FGD5: variants seen among roughly 807,000 people sequenced by gnomAD.
FGD5 encodes the protein FYVE, RhoGEF and PH domain containing 5, also known as FYVE, RhoGEF and PH domain-containing protein 5.
In FGD5, 28 loss-of-function variants were observed where a neutral mutation model predicts 133.4. The observed-to-expected ratio is 0.21, with a 90% confidence interval of 0.16 to 0.29. The LOEUF is 0.29. Ranked by LOEUF, FGD5 falls within the 10% of genes least tolerant of loss-of-function variation. The pLI, the probability that FGD5 is intolerant of heterozygous loss-of-function variation, is 1.00. For synonymous variants in FGD5, 810 were observed against 776.5 expected (o/e 1.04, Z -0.72); for missense variants, 1,858 against 1,895.2 (o/e 0.98, Z 0.36).
intron 4 of FGD5, among the ~76,000 whole-genome samples, chr3:14,890,515 G>A (rs1297253234): frequency 6.6e-6 from 1 of 152,144 alleles, no homozygotes; most frequent in African/African-American, 2.4e-5. Flanking sequence ...TGGCTGCCAG[G>A]ACCCCCAGGT....
intron 1 of FGD5, among the ~76,000 whole-genome samples, chr3:14,856,270 C>T (rs2037275565): frequency 6.6e-6 from 1 of 152,126 alleles, no homozygotes; most frequent in African/African-American, 2.4e-5. Flanking sequence ...TTTTTGGTTA[C>T]TATAGCTTTG....
chr3:14,861,488 C>T (rs925482324), intron 1 of FGD5, among the ~76,000 whole-genome samples: 2 of 152,208 alleles, frequency 1.3e-5, no homozygotes, highest in Admixed American at 6.5e-5. Context: ...ACTGCAGTGA[C>T]AGGCCCAACT....
intron 11 of FGD5, among the ~76,000 whole-genome samples, chr3:14,912,441 TGA>T (rs2038467089): frequency 6.6e-6 from 1 of 152,162 alleles, no homozygotes; most frequent in South Asian, 2.1e-4. Flanking sequence ...GGGGGGATTT[TGA>T]GAGAGATCTG....
intron 4 of FGD5, among the ~76,000 whole-genome samples, chr3:14,881,611 T>C (rs992179841): frequency 6.6e-6 from 1 of 152,206 alleles, no homozygotes; most frequent in African/African-American, 2.4e-5. Flanking sequence ...GGCTTCCTGC[T>C]CCCTTGAGCT....
rs760161782 is a variant in FGD5, at chr3:14,820,488, G to A, written c.1417G>A (p.Ala473Thr). The change falls in exon 1 of 20, where the codon GCG becomes ACG. Residue 473 changes from alanine to threonine, a missense_variant. Physicochemically the swap from Ala to Thr is moderately conservative, Grantham distance 58 (BLOSUM62 0). This residue lies in a region of FGD5 where 1,824 missense variants were observed against 1,848.9 expected (regional missense o/e 0.99). Transcript: ENST00000285046. ...NCEAEGGLVP[A>T]DRKNTSTRVR... ...TGAGGCAGAGGGTGGCCTGGTTCCC[G>A]CGGACAGGAAGAACACCAGCACGAG... 100 of 1,613,822 alleles carry A rather than the reference G, an allele frequency of 6.2e-5. No individual in the cohort carries two copies. The South Asian group carries it at 1.0e-3, about 16-fold the overall frequency.
intron 4 of FGD5, among the ~76,000 whole-genome samples, chr3:14,888,192 C>T (rs2037960269): frequency 6.6e-6 from 1 of 151,124 alleles, no homozygotes; most frequent in Non-Finnish European, 1.5e-5. Context: ...TACAGATGCT[C>T]AGATTCCGCC....
chr3:14,834,784 A>G (rs796548480), intron 1 of FGD5, among the ~76,000 whole-genome samples: 11 of 152,298 alleles, frequency 7.2e-5, no homozygotes, highest in African/African-American at 2.6e-4. Flanking sequence ...GAAGCAGTTT[A>G]AGGGGTAAAT....
In FGD5 at chr3:14,917,389, A is replaced by C. The variant is rs1326300165; in HGVS notation, c.3489+57A>C. 2 of 1,498,244 alleles carry C rather than the reference A, an allele frequency of 1.3e-6. No individual in the cohort carries two copies. The highest frequency in any genetic ancestry group is 1.8e-6 in the Non-Finnish European group (2 of 1,091,992). 92.8% of individuals were successfully genotyped at this position (1,498,244 alleles called of 1,614,324 possible). ...GGGGGACAGGGAGACCCCAGGGGAGAAGGGGACAGCATCCTGCTCCCAGGA... is the reference window on the plus strand; with the variant it reads ...GGGGGACAGGGAGACCCCAGGGGAGCAGGGGACAGCATCCTGCTCCCAGGA... On this transcript the variant is annotated intron_variant, in intron 12 of 19. Transcript: ENST00000285046. This position sits in a 1 kb window ranked among gnomAD's most constrained non-coding sequence, Gnocchi z 4.1.
At position 14,885,438 on chromosome 3, in the gene FGD5, G is replaced by T. The variant is rs532485378; in HGVS notation, c.2748+4666G>T. Among the ~76,000 whole-genome samples the T allele has an allele frequency of 8.5e-5, 13 of 152,282 alleles. No homozygotes were observed. In the South Asian group the frequency reaches 2.5e-3, roughly 29 times the overall value. ...CTTCTGTCCGCAGGTGCAGTCGTGA[G>T]TTTGCCCACATCCTGCATTCATGAT... On this transcript the variant is annotated intron_variant, in intron 4 of 19. Transcript: ENST00000285046.
At chr3:14,907,099 G>A (rs1433753794) in intron 9 of FGD5, among the ~76,000 whole-genome samples, 2 of 152,228 alleles carry the variant, frequency 1.3e-5, no homozygotes, top group Admixed American at 6.5e-5. Flanking sequence ...AGGGGCACCT[G>A]CCCACAGGGT....
At chr3:14,905,938 T>C (rs1279725051) in intron 9 of FGD5, among the ~76,000 whole-genome samples, 1 of 152,114 alleles carries the variant, frequency 6.6e-6, no homozygotes, top group African/African-American at 2.4e-5. Flanking sequence ...GCCTCTTTTT[T>C]GGTCATGGCT....
rs1177086367 is a variant in FGD5 at position 14,819,410 on chromosome 3, T to G, written c.339T>G (p.Gly113=). ...EEGGEACGLE[G]TGAGEDSVAP... is the part of the protein sequence containing the mutation. Reference sequence around the variant, plus strand: ...GAGGCGAGGCATGTGGCCTGGAGGGTACAGGAGCTGGTGAGGATTCAGTGG... The same window carrying G: ...GAGGCGAGGCATGTGGCCTGGAGGGGACAGGAGCTGGTGAGGATTCAGTGG... The change falls in exon 1 of 20, where the codon GGT becomes GGG. Residue 113 remains glycine, a synonymous_variant. Transcript: ENST00000285046. This position sits in a 1 kb window ranked among gnomAD's most constrained non-coding sequence, Gnocchi z 4.1. The G allele has an allele frequency of 1.9e-6, 3 of 1,549,516 alleles. No homozygotes were observed. Among genetic ancestry groups the G allele is most frequent in the East Asian group, 2.4e-5 (1 of 40,890 alleles).
chr3:14,811,799 A>G (rs1411852212), intron 1 of FGD5, among the ~76,000 whole-genome samples: 2 of 152,206 alleles, frequency 1.3e-5, no homozygotes, highest in African/African-American at 4.8e-5. Flanking sequence ...CCTTAAGATG[A>G]GAGTTTGCAA....
intron 18 of FGD5, among the ~76,000 whole-genome samples, chr3:14,927,148 A>G (rs2038817768): frequency 6.6e-6 from 1 of 152,198 alleles, no homozygotes. Context: ...ACTCTAAGCA[A>G]AGCAGGCAGA....
chr3:14,812,374 C>A (rs1401096038), intron 1 of FGD5, among the ~76,000 whole-genome samples: 1 of 152,220 alleles, frequency 6.6e-6, no homozygotes, highest in Non-Finnish European at 1.5e-5. Flanking sequence ...TTCCTACACT[C>A]CTAATAAAAC....
In FGD5 at chr3:14,922,592, T is replaced by C. The variant is rs1199168368; in HGVS notation, c.3807+44T>C. The C allele has an allele frequency of 1.9e-6, 2 of 1,056,084 alleles. No homozygotes were observed. The highest frequency in any genetic ancestry group is 2.8e-6 in the Non-Finnish European group (2 of 722,112). 65.4% of individuals were successfully genotyped at this position (1,056,084 alleles called of 1,614,324 possible). A position where few individuals can be genotyped will look rare whatever the true frequency, so the allele number is the denominator to read the frequency against. ...GGTGAGTGTGTGCATGGGGGTGGGG[T>C]GGGGGAAGGGCATGTCCCTGCCCAG... On this transcript the variant is annotated intron_variant, in intron 15 of 19. Transcript: ENST00000285046. The surrounding 1 kb of genome is among the most constrained non-coding windows in gnomAD (Gnocchi z 4.1).
At chr3:14,886,643 C>T (rs1473606686) in intron 4 of FGD5, among the ~76,000 whole-genome samples, 1 of 152,224 alleles carries the variant, frequency 6.6e-6, no homozygotes, top group Non-Finnish European at 1.5e-5. Flanking sequence ...CCTCTCACAC[C>T]TCGTTTTCTT....
chr3:14,843,719 CT>C (rs1400648909), intron 1 of FGD5, among the ~76,000 whole-genome samples: 7 of 125,388 alleles, frequency 5.6e-5, no homozygotes, highest in Non-Finnish European at 9.5e-5. Context: ...GAGACAGAGT[CT>C]CATTCTGTCG....
chr3:14,836,895 G>T (rs1481811625), intron 1 of FGD5, among the ~76,000 whole-genome samples: 7 of 152,234 alleles, frequency 4.6e-5, no homozygotes, highest in Non-Finnish European at 8.8e-5. Flanking sequence ...ATTTGAGCAG[G>T]GCTCAAAGGG....
Sources: gnomAD v4.1 joint callset for allele counts (sites outside exome capture counted in the v4.1 genomes callset) on GRCh38, gnomAD v4.1.1 for gene constraint, gnomAD v4.1.1 regional missense constraint, Gnocchi (gnomAD v3.1) non-coding constraint, MANE v1.5 for transcripts, NCBI Gene and HGNC (gene_info 2026-07-23, HGNC 2026-07-21) for gene names.